ITPRID1: variants seen among roughly 807,000 people sequenced by gnomAD.
ITPRID1 encodes the protein protein ITPRID1.
In ITPRID1, 96 loss-of-function variants were observed where a neutral mutation model predicts 95.4. The observed-to-expected ratio is 1.01, with a 90% confidence interval of 0.85 to 1.19. ITPRID1 has a LOEUF of 1.19. ITPRID1 is among the 50% of genes most tolerant of loss of function. The probability of loss-of-function intolerance (pLI) is 0.00; values close to 1 mark genes in which losing one functional copy is unlikely to be tolerated. For missense variants in ITPRID1, 1,339 were observed against 1,252.9 expected, an observed-to-expected ratio of 1.07 and a Z score of -1.04; for synonymous variants, 510 against 453.6, an observed-to-expected ratio of 1.12 and a Z score of -1.58.
chr7:31,519,809 G>C (rs530609416), intron 1 of ITPRID1, among the ~76,000 whole-genome samples: 73 of 151,034 alleles, frequency 4.8e-4, no homozygotes, highest in South Asian at 3.4e-3. Context: ...TTTCAATATA[G>C]ACAAAATTGT....
chr7:31,642,318 C>A, intron 11 of ITPRID1, 60 bp downstream of exon 11: 3 of 1,167,532 alleles, frequency 2.6e-6, no homozygotes, highest in Middle Eastern at 2.0e-4. Context: ...TCAGCCCTAT[C>A]AACCAGGCTG....
chr7:31,628,673 G>A (rs539081649), intron 10 of ITPRID1, among the ~76,000 whole-genome samples: 1 of 152,080 alleles, frequency 6.6e-6, no homozygotes, highest in Non-Finnish European at 1.5e-5. Flanking sequence ...AGCCAGGATG[G>A]TCTCAATCTC....
At chr7:31,640,586 T>C (rs1789931151) in intron 10 of ITPRID1, among the ~76,000 whole-genome samples, 1 of 152,174 alleles carries the variant, frequency 6.6e-6, no homozygotes, top group South Asian at 2.1e-4. Context: ...GATCACTTGT[T>C]CCTGTTTCTC....
chr7:31,515,577 AAAAACAAAAC>A (rs985471587), intron 1 of ITPRID1, among the ~76,000 whole-genome samples: 2 of 152,176 alleles, frequency 1.3e-5, no homozygotes, highest in South Asian at 4.1e-4. Context: ...CTCCGTCTCA[AAAAACAAAAC>A]AAAACAAAAC....
At chr7:31,642,508 G>A (rs38395) in intron 11 of ITPRID1, among the ~76,000 whole-genome samples, 174 bp from the exon 12 acceptor site, 149,082 of 152,310 alleles carry the variant, frequency 0.98, 72,969 homozygotes, top group East Asian at 1. Context: ...TAAGCAAGGA[G>A]GCTGAGCCTC....
At chr7:31,628,054 A>G (rs1788638068) in intron 10 of ITPRID1, among the ~76,000 whole-genome samples, 1 of 152,206 alleles carries the variant, frequency 6.6e-6, no homozygotes, top group African/African-American at 2.4e-5. Context: ...CCCAGGCCTA[A>G]AAAAGCAGAG....
chr7:31,556,908 A>G (rs1457265018), intron 5 of ITPRID1, among the ~76,000 whole-genome samples: 1 of 152,008 alleles, frequency 6.6e-6, no homozygotes, highest in Non-Finnish European at 1.5e-5. Flanking sequence ...AGGTGTCACC[A>G]AGACTGATCT....
At chr7:31,590,256 A>C (rs1785808253) in intron 10 of ITPRID1, among the ~76,000 whole-genome samples, 1 of 152,160 alleles carries the variant, frequency 6.6e-6, no homozygotes, top group South Asian at 2.1e-4. Context: ...TTAAAATATA[A>C]TTCTTAAAAT....
intron 10 of ITPRID1, among the ~76,000 whole-genome samples, chr7:31,618,618 A>G (rs1787497537): frequency 6.6e-6 from 1 of 152,060 alleles, no homozygotes; most frequent in African/African-American, 2.4e-5. Context: ...AATTTCATAA[A>G]CTCCCCTCCA....
intron 1 of ITPRID1, among the ~76,000 whole-genome samples, chr7:31,539,937 T>C (rs1314397713): frequency 6.6e-6 from 1 of 152,038 alleles, no homozygotes; most frequent in Non-Finnish European, 1.5e-5. Context: ...TGGTCGGAGA[T>C]GTTATTTATG....
chr7:31,552,752 G>A (rs1784322731), intron 2 of ITPRID1, among the ~76,000 whole-genome samples: 1 of 152,206 alleles, frequency 6.6e-6, no homozygotes, highest in South Asian at 2.1e-4. Context: ...AGTGCAGAGT[G>A]CGCATGTGGT....
At chr7:31,598,398 CTTTTTT>C (rs869161999) in intron 10 of ITPRID1, among the ~76,000 whole-genome samples, 9 of 106,836 alleles carry the variant, frequency 8.4e-5, no homozygotes, top group African/African-American at 7.3e-5. Context: ...TTTTTTTTTT[CTTTTTT>C]TTTTTTTTTT....
chr7:31,577,891 C>A lies in ITPRID1; in HGVS notation c.627C>A (p.Asp209Glu). 1 of 1,608,060 alleles carries A rather than the reference C, an allele frequency of 6.2e-7. No individual in the cohort carries two copies. Among genetic ancestry groups the A allele is most frequent in the South Asian group, 1.1e-5 (1 of 90,328 alleles). ...YGRFRQLEIL[D>E]HVTNAFSSLL... is the part of the protein sequence containing the mutation. ...GTTTCCGACAGCTGGAAATCCTGGA[C>A]CATGTGACCAATGCCTTCTCATCTC... The change falls in exon 9 of 15, where the codon GAC becomes GAA. Residue 209 changes from aspartate to glutamate, a missense_variant. Transcript: ENST00000615280.
intron 10 of ITPRID1, among the ~76,000 whole-genome samples, chr7:31,595,071 T>TC: frequency 7.7e-6 from 1 of 129,438 alleles, no homozygotes; most frequent in East Asian, 2.1e-4. Context: ...TTATAATTTC[T>TC]TTTTTTTTTT....
chr7:31,580,197 C>T (rs781683214), intron 9 of ITPRID1, among the ~76,000 whole-genome samples: 2 of 150,408 alleles, frequency 1.3e-5, no homozygotes, highest in Non-Finnish European at 2.9e-5. Flanking sequence ...ACTCGGGAGG[C>T]TGAGGCAGGA....
chr7:31,540,859 G>C (rs1173344703), intron 1 of ITPRID1, among the ~76,000 whole-genome samples: 1 of 152,166 alleles, frequency 6.6e-6, no homozygotes, highest in East Asian at 1.9e-4. Flanking sequence ...TACAGGGACT[G>C]TGTACACAAA....
In ITPRID1 at chr7:31,583,121, T is replaced by C. The variant is rs749893574; in HGVS notation, c.1171-13T>C. On this transcript the variant is annotated splice_polypyrimidine_tract_variant and intron_variant, in intron 9 of 14. Coordinates refer to ENST00000615280, the MANE Select transcript of ITPRID1 (RefSeq NM_001257967.3). The stretch of plus-strand genomic sequence containing the variant: ...AAAATTTCTAATGACATTGATGCAT[T>C]TTGATATCTTAGGTCCAAAGCTTTG... 11 of 1,598,318 alleles carry C rather than the reference T, an allele frequency of 6.9e-6. No homozygotes were observed. In the Admixed American group the frequency reaches 1.9e-4, roughly 27 times the overall value.
At chr7:31,596,970 A>G (rs906550275) in intron 10 of ITPRID1, among the ~76,000 whole-genome samples, 12 of 151,972 alleles carry the variant, frequency 7.9e-5, no homozygotes, top group African/African-American at 2.9e-4. Context: ...TTGAGGATGG[A>G]TCAACATCAG....
At chr7:31,641,478 A>G (rs1790012560) in intron 10 of ITPRID1, among the ~76,000 whole-genome samples, 1 of 102,078 alleles carries the variant, frequency 9.8e-6, no homozygotes, top group Non-Finnish European at 2.3e-5. Flanking sequence ...TAAAGAAGAG[A>G]AAAAAAAATC....
Sources: gnomAD v4.1 joint callset for allele counts (sites outside exome capture counted in the v4.1 genomes callset) on GRCh38, gnomAD v4.1.1 for gene constraint, MANE v1.5 for transcripts, NCBI Gene and HGNC (gene_info 2026-07-23, HGNC 2026-07-21) for gene names.